Variants in CAST observed in about 807,000 individuals in gnomAD.
The protein encoded by CAST is calpastatin, also known as MIR583 host.
In CAST, 76 loss-of-function variants were observed where a neutral mutation model predicts 119.6. The ratio of observed to expected loss-of-function variants is 0.64; its 90% CI spans 0.53 to 0.77. The LOEUF is 0.77. CAST is among the 30% of genes least tolerant of loss of function. The pLI is 0.00. For synonymous variants in CAST, 319 were observed against 331.6 expected (o/e 0.96, Z 0.41); for missense variants, 953 against 946.5 (o/e 1.01, Z -0.09).
At chr5:96,569,828 T>G (rs564293581) in intron 1 of CAST, among the ~76,000 whole-genome samples, 8 of 152,356 alleles carry the variant, frequency 5.3e-5, no homozygotes, top group Admixed American at 3.9e-4. Flanking sequence ...GTTTATTGCC[T>G]GCCTTCCCTC....
At chr5:96,396,561 C>CAAA in the CAST span, among the ~76,000 whole-genome samples, 7,438 of 122,236 alleles carry the variant, frequency 0.061, 241 homozygotes, top group Middle Eastern at 0.077. Flanking sequence ...GACTCCGTCT[C>CAAA]AAAAAAAAAA....
chr5:96,165,296 T>A, the CAST span, among the ~76,000 whole-genome samples: 4 of 152,088 alleles, frequency 2.6e-5, no homozygotes, highest in African/African-American at 9.7e-5. Context: ...TGAGTGCCTT[T>A]TTTTATTAGG....
chr5:96,509,638 CAGG>C, the CAST span, among the ~76,000 whole-genome samples: 1 of 152,180 alleles, frequency 6.6e-6, no homozygotes, highest in African/African-American at 2.4e-5. Flanking sequence ...GTCTGCATTT[CAGG>C]AGATCATTTT....
the CAST span, among the ~76,000 whole-genome samples, chr5:96,079,732 A>G: frequency 6.6e-6 from 1 of 152,186 alleles, no homozygotes; most frequent in African/African-American, 2.4e-5. Context: ...ACCTTTAAGA[A>G]TCAATTAGGA....
the CAST span, among the ~76,000 whole-genome samples, chr5:96,139,703 C>T: frequency 6.6e-6 from 1 of 151,554 alleles, no homozygotes; most frequent in African/African-American, 2.4e-5. Context: ...GATATAGCTC[C>T]ATTTATGCGA....
At chr5:96,175,409 T>A in the CAST span, among the ~76,000 whole-genome samples, 1 of 152,208 alleles carries the variant, frequency 6.6e-6, no homozygotes, top group African/African-American at 2.4e-5. Context: ...TGCCAAGGAC[T>A]CATTTAGGCT....
the CAST span, among the ~76,000 whole-genome samples, chr5:96,421,533 G>T: frequency 1.3e-5 from 2 of 152,304 alleles, no homozygotes; most frequent in East Asian, 3.9e-4. Flanking sequence ...AAAGCATGTT[G>T]CTAAGAGTAA....
chr5:96,309,923 T>A, the CAST span, among the ~76,000 whole-genome samples: 1 of 152,352 alleles, frequency 6.6e-6, no homozygotes, highest in East Asian at 1.9e-4. Context: ...GCCTTTTAAT[T>A]CTTTCTCTTA....
chr5:96,591,853 T>A (rs1746966928), intron 1 of CAST, among the ~76,000 whole-genome samples: 1 of 152,196 alleles, frequency 6.6e-6, no homozygotes, highest in Admixed American at 6.5e-5. Flanking sequence ...AAGACTGAAC[T>A]TTGGAAAAAC....
At chr5:96,334,405 A>G in the CAST span, among the ~76,000 whole-genome samples, 1 of 152,236 alleles carries the variant, frequency 6.6e-6, no homozygotes, top group Middle Eastern at 3.4e-3. Context: ...CCCCTAGTGC[A>G]ACTTGGGTGA....
chr5:96,408,693 A>G, the CAST span, among the ~76,000 whole-genome samples: 1 of 152,238 alleles, frequency 6.6e-6, no homozygotes, highest in Admixed American at 6.5e-5. Context: ...TTGGTCTGGC[A>G]TATTTAGAAA....
At chr5:96,556,852 C>T (rs1222076121) in intron 1 of CAST, among the ~76,000 whole-genome samples, 2 of 152,154 alleles carry the variant, frequency 1.3e-5, no homozygotes, top group Non-Finnish European at 2.9e-5. Flanking sequence ...CCAGGAAATA[C>T]AGAGAATGCC....
At chr5:96,743,347 A>T (rs1290665298) in intron 16 of CAST, among the ~76,000 whole-genome samples, 1 of 152,192 alleles carries the variant, frequency 6.6e-6, no homozygotes, top group African/African-American at 2.4e-5. Flanking sequence ...TTAAATTATA[A>T]TTTTTGTGGA....
Position 96,737,884 on chromosome 5 carries a change from T to C in CAST, c.735T>C (p.Asp245=), listed in dbSNP as rs760265484. The change falls in exon 11 of 32, where the codon GAT becomes GAC. Residue 245 remains aspartate (D), a synonymous_variant. Transcript: ENST00000675179. ...GMDAALDDLI[D]TLGGPEETEE... The stretch of plus-strand genomic sequence containing the variant: ...ATGCTGCTTTGGATGACTTAATAGA[T>C]ACTTTAGGAGGACCTGAAGAAACTG... 1 of 1,607,320 alleles carries C rather than the reference T, an allele frequency of 6.2e-7. No individual in the cohort carries two copies. The highest frequency in any genetic ancestry group is 8.5e-7 in the Non-Finnish European group (1 of 1,174,002).
Position 96,738,935 on chromosome 5 carries a change from C to CAA in CAST, c.798+1004_798+1005dup, listed in dbSNP as rs34687945. Among the ~76,000 whole-genome samples the CAA allele has an allele frequency of 6.9e-3, 608 of 88,126 alleles. 6 individuals are homozygous for CAA. The highest frequency in any genetic ancestry group is 0.027 in the African/African-American group (567 of 20,778). 57.8% of individuals were successfully genotyped at this position (88,126 alleles called of 152,430 possible). A position where few individuals can be genotyped will look rare whatever the true frequency, so the allele number is the denominator to read the frequency against. ...GGGCAACATGGATGAGACTCCATCTCAAAAAAAAAAAAAAAAAGACACGCC... is the reference window on the plus strand; with the variant it reads ...GGGCAACATGGATGAGACTCCATCTCAAAAAAAAAAAAAAAAAAAGACACGCC... On this transcript the variant is annotated intron_variant, in intron 11 of 31. Transcript: ENST00000675179.
At chr5:96,351,020 A>G in the CAST span, among the ~76,000 whole-genome samples, 1 of 152,138 alleles carries the variant, frequency 6.6e-6, no homozygotes, top group African/African-American at 2.4e-5. Context: ...ACCTTTATTT[A>G]TCTACAAAAT....
the CAST span, among the ~76,000 whole-genome samples, chr5:96,289,108 A>G: frequency 1.3e-5 from 2 of 151,808 alleles, no homozygotes; most frequent in East Asian, 1.9e-4. Context: ...TTAAGAAAAA[A>G]AAAAACCCTT....
chr5:96,050,255 T>TC, the CAST span: 1 of 152,292 alleles, frequency 6.6e-6, no homozygotes, highest in East Asian at 1.9e-4. Flanking sequence ...GGAGCTTGGC[T>TC]GTGAGGGGAA....
At chr5:96,195,433 G>A in the CAST span, among the ~76,000 whole-genome samples, 1 of 152,192 alleles carries the variant, frequency 6.6e-6, no homozygotes, top group East Asian at 1.9e-4. Flanking sequence ...GAGCTCCCAG[G>A]AAATTCTGTT....
Sources: allele counts gnomAD v4.1 joint callset (sites outside exome capture counted in the v4.1 genomes callset), GRCh38; gene constraint gnomAD v4.1.1; transcripts MANE v1.5; gene names NCBI Gene and HGNC (gene_info 2026-07-23, HGNC 2026-07-21).